The following ZNF765 variants were observed in gnomAD, a reference collection of about 807,000 sequenced individuals.
The protein encoded by ZNF765 is zinc finger protein 765.
A neutral mutation model predicts 44.7 loss-of-function variants in ZNF765; 37 were observed. The observed-to-expected ratio is 0.83, with a 90% CI of 0.64 to 1.09. The LOEUF is 1.09. Ranked by LOEUF, ZNF765 falls within the 50% of genes least tolerant of loss-of-function variation. The pLI is 0.00. For missense variants in ZNF765, 594 were observed against 626.1 expected (o/e 0.95, Z 0.55); for synonymous variants, 201 against 213.7 (o/e 0.94, Z 0.52).
intron 3 of ZNF765, among the ~76,000 whole-genome samples, chr19:53,402,587 T>G (rs1249900764): frequency 6.6e-6 from 1 of 152,004 alleles, no homozygotes; most frequent in Non-Finnish European, 1.5e-5. Flanking sequence ...TTAGATAAAG[T>G]GTCTCTCTCT....
chr19:53,400,356 T>C (rs934003193), intron 2 of ZNF765, among the ~76,000 whole-genome samples: 1 of 152,118 alleles, frequency 6.6e-6, no homozygotes, highest in African/African-American at 2.4e-5. Flanking sequence ...AAGAGTGCCA[T>C]AGTGGCTGCC....
Position 53,410,653 on chromosome 19 carries a change from C to G in ZNF765, c.*1526C>G. 2 of 479,790 alleles carry G rather than the reference C, an allele frequency of 4.2e-6. No individual in the cohort carries two copies. 29.7% of individuals were successfully genotyped at this position (479,790 alleles called of 1,614,324 possible). A position where few individuals can be genotyped will look rare whatever the true frequency, so the allele number is the denominator to read the frequency against. On this transcript the variant is annotated 3_prime_UTR_variant, in exon 4 of 4. Transcript: ENST00000396408. Reference sequence around the variant, plus strand: ...AACCATTGCGAATCATTGGAGAATCCATAATGAAGAGAGATCATACTAGTT... The same window carrying G: ...AACCATTGCGAATCATTGGAGAATCGATAATGAAGAGAGATCATACTAGTT...
chr19:53,418,674 G>T (rs970131100), intron 3 of ZNF765, among the ~76,000 whole-genome samples: 2 of 151,974 alleles, frequency 1.3e-5, no homozygotes, highest in Non-Finnish European at 2.9e-5. Context: ...ATGGTGGGGG[G>T]GGCGGTGGAT....
intron 3 of ZNF765, among the ~76,000 whole-genome samples, chr19:53,418,415 G>A (rs1274788027): frequency 6.6e-6 from 1 of 152,126 alleles, no homozygotes; most frequent in African/African-American, 2.4e-5. Flanking sequence ...GATCATTGCG[G>A]TTGTGACAGC....
chr19:53,409,087 GACAT>G lies in ZNF765; in HGVS notation c.1534_1537del (p.His512GlyfsTer74). The G allele has an allele frequency of 6.2e-7, 1 of 1,613,812 alleles. No individual in the cohort carries two copies. Among genetic ancestry groups the G allele is most frequent in the South Asian group, 1.1e-5 (1 of 91,068 alleles). ...TTCAGTTTCAAATCAAACCTTGAAA[GACAT>G]AGGAGAATTTATACTGGAGAGAAAC... On this transcript the variant is annotated frameshift_variant, in exon 4 of 4. Transcript: ENST00000396408. LOFTEE classifies it high-confidence loss of function.
At chr19:53,425,903 TC>T in exon 4 of ZNF765, 1 of 152,414 alleles carries the variant, frequency 6.6e-6, no homozygotes, top group South Asian at 2.1e-4. Flanking sequence ...ATCGAAACCA[TC>T]CTGGCCAACA....
In ZNF765 at chr19:53,407,903, C is replaced by A. The variant is rs368264559; in HGVS notation, c.348C>A (p.Ile116=). 196 of 1,613,116 alleles carry A rather than the reference C, an allele frequency of 1.2e-4. 1 individual carries two copies. The highest frequency in any genetic ancestry group is 1.2e-3 in the South Asian group (107 of 90,844). Residue 116 remains isoleucine (I), a synonymous_variant, in exon 4 of 4, where the codon ATC becomes ATA. Transcript: ENST00000396408. ...RNGHEALMTK[I]KKLTGSTERY... ...GCCATGAAGCACTCATGACAAAAAT[C>A]AAAAAGTTGACAGGTAGTACAGAGC...
chr19:53,414,650 C>T (rs1318676293), downstream of ZNF765, among the ~76,000 whole-genome samples: 3 of 151,510 alleles, frequency 2.0e-5, no homozygotes, highest in Admixed American at 6.6e-5. Flanking sequence ...GAAGGCAGTA[C>T]TGGGTGGAGT....
Position 53,402,085 on chromosome 19 carries a change from T to C in ZNF765, c.36T>C (p.Asp12=), listed in dbSNP as rs780353980. 93 of 1,613,792 alleles carry C rather than the reference T, an allele frequency of 5.8e-5. No homozygotes were observed. In the African/African-American group the frequency reaches 6.1e-4, roughly 11 times the overall value. Residue 12 remains aspartate (D), a synonymous_variant, in exon 3 of 4, where the codon GAT becomes GAC. Transcript: ENST00000396408. ...TTCAGGGTCTATTGACATTCAGGGA[T>C]GTGGCCATAGAATTCTCTCAGGAGG... ...ALPQGLLTFR[D]VAIEFSQEEW... is the part of the protein sequence containing the mutation.
intron 1 of ZNF765, among the ~76,000 whole-genome samples, chr19:53,397,034 C>T (rs1238303359): frequency 6.6e-6 from 1 of 152,224 alleles, no homozygotes; most frequent in African/African-American, 2.4e-5. Context: ...TAGAACCACT[C>T]CTGTTAAGGT....
chr19:53,399,844 TG>T (rs1232707106), intron 2 of ZNF765, among the ~76,000 whole-genome samples: 3 of 152,184 alleles, frequency 2.0e-5, no homozygotes, highest in African/African-American at 7.2e-5. Flanking sequence ...GACTGAGTTT[TG>T]CTCTTTTTGT....
In ZNF765 at chr19:53,409,401, C is replaced by G; in HGVS notation, c.*274C>G. On this transcript the variant is annotated 3_prime_UTR_variant, in exon 4 of 4. Transcript: ENST00000396408. ...AAGAATGTGAAGAAGCTTTCTGTTT[C>G]AAATCCAACCTTGAAAGACATAGGA... 1 of 848,408 alleles carries G rather than the reference C, an allele frequency of 1.2e-6. No individual in the cohort carries two copies. Among genetic ancestry groups the G allele is most frequent in the South Asian group, 1.3e-5 (1 of 74,494 alleles). The allele number at this position is 848,408 out of a possible 1,614,324, so 52.6% of individuals were successfully genotyped here. A position where few individuals can be genotyped will look rare whatever the true frequency, so the allele number is the denominator to read the frequency against.
At chr19:53,426,974 C>T (rs2085943623) in exon 4 of ZNF765, 3 of 143,896 alleles carry the variant, frequency 2.1e-5, no homozygotes, top group Admixed American at 2.1e-4. Flanking sequence ...TTCCGGACCT[C>T]CTCAGCTTTG....
At chr19:53,398,153 G>C in intron 2 of ZNF765, 123 bp downstream of exon 2, 1 of 1,544,742 alleles carries the variant, frequency 6.5e-7, no homozygotes, top group Non-Finnish European at 8.9e-7. Context: ...ACTCACCCAT[G>C]CCTTCCTTCA....
downstream of ZNF765, among the ~76,000 whole-genome samples, chr19:53,413,979 G>C (rs956224437): frequency 6.9e-6 from 1 of 145,802 alleles, no homozygotes; most frequent in African/African-American, 2.5e-5. Context: ...GGTGGCTCAT[G>C]CCGCTAATCC....
downstream of ZNF765, among the ~76,000 whole-genome samples, chr19:53,416,591 T>C (rs899091928): frequency 2.0e-5 from 3 of 152,132 alleles, no homozygotes; most frequent in African/African-American, 7.2e-5. Flanking sequence ...TAGAAAATTA[T>C]TACCGTCTGG....
Position 53,402,109 on chromosome 19 carries a change from G to A in ZNF765, c.60G>A (p.Glu20=), listed in dbSNP as rs1298634657. 16 of 1,614,022 alleles carry A rather than the reference G, an allele frequency of 9.9e-6. No homozygotes were observed. The highest frequency in any genetic ancestry group is 1.3e-5 in the Non-Finnish European group (15 of 1,179,966). The change falls in exon 3 of 4, where the codon GAG becomes GAA. Residue 20 remains glutamate, a synonymous_variant. Coordinates refer to ENST00000396408, the MANE Select transcript of ZNF765 (RefSeq NM_001040185.3). Reference sequence around the variant, plus strand: ...ATGTGGCCATAGAATTCTCTCAGGAGGAGTGGAAATGCCTGGACCCTGCTC... The same window carrying A: ...ATGTGGCCATAGAATTCTCTCAGGAAGAGTGGAAATGCCTGGACCCTGCTC... ...FRDVAIEFSQ[E]EWKCLDPAQR...
chr19:53,408,544 A>G lies in ZNF765; in HGVS notation c.989A>G (p.Asn330Ser), dbSNP rs368362884. The change falls in exon 4 of 4, where the codon AAT becomes AGT. Residue 330 changes from asparagine to serine, a missense_variant. By Grantham distance (46) the Asn-to-Ser change is conservative (BLOSUM62 1). Around this residue, in one of 2 missense-constraint regions of ZNF765, gnomAD observed 567 missense variants for 572.6 expected, o/e 0.99. Transcript: ENST00000396408. The stretch of plus-strand genomic sequence containing the variant: ...ACTGGAGAGAAACCGTACAAGTGTA[A>G]TGAGTGTGGCAAGACCTTTAGTCAG... ...IHTGEKPYKC[N>S]ECGKTFSQKS... is the part of the protein sequence containing the mutation. The G allele has an allele frequency of 9.9e-6, 16 of 1,612,040 alleles. No homozygotes were observed. In the East Asian group the frequency reaches 3.4e-4, roughly 34 times the overall value.
chr19:53,401,720 A>G (rs540992664), intron 2 of ZNF765, among the ~76,000 whole-genome samples: 2 of 152,242 alleles, frequency 1.3e-5, no homozygotes, highest in Non-Finnish European at 1.5e-5. Context: ...TGCTAAAAAT[A>G]CAAAAATTAA....
Sources: gnomAD v4.1 joint callset for allele counts (sites outside exome capture counted in the v4.1 genomes callset) on GRCh38, gnomAD v4.1.1 for gene constraint, gnomAD v4.1.1 regional missense constraint, MANE v1.5 for transcripts, NCBI Gene and HGNC (gene_info 2026-07-23, HGNC 2026-07-21) for gene names.